HAUS5: variants seen among roughly 807,000 people sequenced by gnomAD.
HAUS5 encodes the protein HAUS augmin like complex subunit 5, also known as HAUS augmin-like complex subunit 5.
HAUS5 carries 67 observed loss-of-function variants against 94.1 expected under a neutral mutation model. That is an observed-to-expected ratio of 0.71 (90% CI 0.58 to 0.87). The LOEUF is 0.87. Ranked by LOEUF, HAUS5 falls within the 40% of genes least tolerant of loss-of-function variation. The pLI is 0.00. For missense variants in HAUS5, 739 were observed against 825.6 expected (o/e 0.90, Z 1.29); for synonymous variants, 339 against 355.4 (o/e 0.95, Z 0.52).
intron 14 of HAUS5, 29 bp from the exon 15 acceptor site, chr19:35,619,584 G>GGCCCC: frequency 5.2e-6 from 8 of 1,533,848 alleles, no homozygotes; most frequent in Non-Finnish European, 6.2e-6. Context: ...ATGTTGTGAT[G>GGCCCC]CCCCACCCAC....
intron 3 of HAUS5, 42 bp downstream of exon 3, chr19:35,613,942 C>T: frequency 6.2e-7 from 1 of 1,609,908 alleles, no homozygotes; most frequent in Non-Finnish European, 8.5e-7. Context: ...CTTCCCCACT[C>T]CCATTTAGCC....
chr19:35,613,534 A>G (rs1413169330), intron 1 of HAUS5, 196 bp from the exon 2 acceptor site: 15 of 587,038 alleles, frequency 2.6e-5, no homozygotes, highest in Non-Finnish European at 9.0e-6. Flanking sequence ...GCAAGGAGCT[A>G]TGATCGTACC....
rs1280466938 is a variant in HAUS5 at position 35,619,761 on chromosome 19, G to A, written c.1406+3G>A. Reference sequence around the variant, plus strand: ...CTGCTGCGGCACAGGCCGGGAGAGTGAGACTGGGGCTGCCCCACCCCTGCC... The same window carrying A: ...CTGCTGCGGCACAGGCCGGGAGAGTAAGACTGGGGCTGCCCCACCCCTGCC... On this transcript the variant is annotated splice_donor_region_variant and intron_variant, in intron 15 of 18. Coordinates refer to ENST00000203166, the MANE Select transcript of HAUS5 (RefSeq NM_015302.2). 1.1e-5 allele frequency: 17 copies of A among 1,544,084 alleles called. No individual in the cohort carries two copies. The Admixed American group carries it at 3.0e-4, about 27-fold the overall frequency.
rs1967271081 is a variant in HAUS5, at chr19:35,624,285, A to C, written c.*1292A>C. The C allele has an allele frequency of 6.6e-6, 1 of 150,938 alleles. No homozygotes were observed. The highest frequency in any genetic ancestry group is 1.5e-5 in the Non-Finnish European group (1 of 67,782). The allele number at this position is 150,938 out of a possible 1,614,324, so 9.3% of individuals were successfully genotyped here. On this transcript the variant is annotated 3_prime_UTR_variant, in exon 19 of 19. Coordinates refer to ENST00000203166, the MANE Select transcript of HAUS5 (RefSeq NM_015302.2). Reference sequence around the variant, plus strand: ...ACGCCCAGCTCATTTTTGTACTTTTAGTAGGGACGGGGTTTCATCATGTTG... The same window carrying C: ...ACGCCCAGCTCATTTTTGTACTTTTCGTAGGGACGGGGTTTCATCATGTTG...
chr19:35,615,939 C>A (rs564286580), intron 6 of HAUS5, among the ~76,000 whole-genome samples: 1 of 152,046 alleles, frequency 6.6e-6, no homozygotes, highest in Non-Finnish European at 1.5e-5. Flanking sequence ...GAGGTGAGGT[C>A]GAAGGAGTGG....
At position 35,624,458 on chromosome 19, in the gene HAUS5, C is replaced by CTTTT. The variant is rs1967274509; in HGVS notation, c.*1468_*1469insTTTT. On this transcript the variant is annotated 3_prime_UTR_variant, in exon 19 of 19. Transcript: ENST00000203166. ...CTCTTAGGTGCTTTTCTTTTTCTTT[C>CTTTT]TTTCTTTCTTTTTTTGAGACAGAAT... 1.1e-5 allele frequency: 1 copy of CTTTT among 93,840 alleles called. No homozygotes were observed. Among genetic ancestry groups the CTTTT allele is most frequent in the African/African-American group, 4.7e-5 (1 of 21,380 alleles). 5.8% of individuals were successfully genotyped at this position (93,840 alleles called of 1,614,324 possible).
chr19:35,618,037 G>T, intron 9 of HAUS5, 34 bp from the exon 10 acceptor site: 1 of 1,583,824 alleles, frequency 6.3e-7, no homozygotes, highest in Non-Finnish European at 8.6e-7. Flanking sequence ...GCCCTGCCCC[G>T]ATCCTGCCCT....
intron 17 of HAUS5, among the ~76,000 whole-genome samples, chr19:35,621,123 A>G (rs979752088): frequency 2.0e-5 from 3 of 152,182 alleles, no homozygotes; most frequent in Admixed American, 2.0e-4. Context: ...GGATAAATAC[A>G]TGGAAGAGGA....
chr19:35,625,031 C>T lies in HAUS5; in HGVS notation c.*2038C>T, dbSNP rs1294766154. 6.6e-6 allele frequency: 1 copy of T among 152,170 alleles called. No individual in the cohort carries two copies. Among genetic ancestry groups the T allele is most frequent in the Non-Finnish European group, 1.5e-5 (1 of 68,026 alleles). The allele number at this position is 152,170 out of a possible 1,614,324, so 9.4% of individuals were successfully genotyped here. A position where few individuals can be genotyped will look rare whatever the true frequency, so the allele number is the denominator to read the frequency against. On this transcript the variant is annotated 3_prime_UTR_variant, in exon 19 of 19. Transcript: ENST00000203166. ...TGTAGTCCTTAGTGTGTCTGCTCCT[C>T]CTCTCTCTCCTCATCACAGTTCCCA...
At position 35,622,999 on chromosome 19, in the gene HAUS5, G is replaced by C; in HGVS notation, c.*6G>C. 6.4e-7 allele frequency: 1 copy of C among 1,574,800 alleles called. No homozygotes were observed. Reference sequence around the variant, plus strand: ...TGCAGAAGCTGTGCAGCTGAAGAGAGGGTTCAAACGGAAGCCGAGAACTTG... The same window carrying C: ...TGCAGAAGCTGTGCAGCTGAAGAGACGGTTCAAACGGAAGCCGAGAACTTG... On this transcript the variant is annotated 3_prime_UTR_variant, in exon 19 of 19. Transcript: ENST00000203166.
In HAUS5 at chr19:35,619,598, T is replaced by TCC; in HGVS notation, c.1261-12_1261-11dup. On this transcript the variant is annotated splice_polypyrimidine_tract_variant and intron_variant, in intron 14 of 18. Transcript: ENST00000203166. ...GATGTTGTGATGCCCCACCCACCCCTCCCCTTCCCCACAGGTGCTAGCTCT... is the reference window on the plus strand; with the variant it reads ...GATGTTGTGATGCCCCACCCACCCCTCCCCCCTTCCCCACAGGTGCTAGCTCT... 5 of 583,378 alleles carry TCC rather than the reference T, an allele frequency of 8.6e-6. No individual in the cohort carries two copies. The highest frequency in any genetic ancestry group is 8.2e-5 in the South Asian group (4 of 48,746). 36.1% of individuals were successfully genotyped at this position (583,378 alleles called of 1,614,324 possible). A position where few individuals can be genotyped will look rare whatever the true frequency, so the allele number is the denominator to read the frequency against.
In HAUS5 at chr19:35,612,896, A is replaced by C. The variant is rs762295036; in HGVS notation, c.98+4A>C. On this transcript the variant is annotated splice_donor_region_variant and intron_variant, in intron 1 of 18. Coordinates refer to ENST00000203166, the MANE Select transcript of HAUS5 (RefSeq NM_015302.2). The stretch of plus-strand genomic sequence containing the variant: ...CCCCGGAATCGACGCTGCGCAGGTG[A>C]GGACCGCTCCTGGAGTGAGGACACC... 6.5e-7 allele frequency: 1 copy of C among 1,536,002 alleles called. No individual in the cohort carries two copies. The highest frequency in any genetic ancestry group is 1.2e-5 in the South Asian group (1 of 82,898).
At position 35,623,431 on chromosome 19, in the gene HAUS5, C is replaced by T. The variant is rs903281602; in HGVS notation, c.*438C>T. On this transcript the variant is annotated 3_prime_UTR_variant, in exon 19 of 19. Coordinates refer to ENST00000203166, the MANE Select transcript of HAUS5 (RefSeq NM_015302.2). ...TGATTTGAATTGAGGGCCACACTGCCCAGGTCGTGCTCCGTCAAGGGGTGA... is the reference window on the plus strand; with the variant it reads ...TGATTTGAATTGAGGGCCACACTGCTCAGGTCGTGCTCCGTCAAGGGGTGA... The T allele has an allele frequency of 1.2e-5, 2 of 172,236 alleles. No homozygotes were observed. The highest frequency in any genetic ancestry group is 4.8e-5 in the African/African-American group (2 of 41,544). 10.7% of individuals were successfully genotyped at this position (172,236 alleles called of 1,614,324 possible).
At chr19:35,615,867 A>C (rs924688898) in intron 6 of HAUS5, among the ~76,000 whole-genome samples, 3 of 152,246 alleles carry the variant, frequency 2.0e-5, no homozygotes, top group Admixed American at 6.5e-5. Flanking sequence ...CTCAGCATGC[A>C]GGAAGAGCAG....
In HAUS5 at chr19:35,624,564, A is replaced by G. The variant is rs913662066; in HGVS notation, c.*1571A>G. ...TGCCTCCTGGATTCAAACAATTCTC[A>G]TGTCTCAGCCTCCTGAATAGCTGGG... On this transcript the variant is annotated 3_prime_UTR_variant, in exon 19 of 19. Coordinates refer to ENST00000203166, the MANE Select transcript of HAUS5 (RefSeq NM_015302.2). 5.9e-5 allele frequency: 9 copies of G among 151,926 alleles called. No homozygotes were observed. The East Asian group carries it at 9.6e-4, about 16-fold the overall frequency. The allele number at this position is 151,926 out of a possible 1,614,324, so 9.4% of individuals were successfully genotyped here.
intron 10 of HAUS5, 42 bp downstream of exon 10, chr19:35,618,237 A>T: frequency 6.3e-7 from 1 of 1,596,706 alleles, no homozygotes; most frequent in Admixed American, 1.7e-5. Context: ...AGGCCATGTG[A>T]GTGGGTGAGC....
intron 1 of HAUS5, 97 bp from the exon 2 acceptor site, chr19:35,613,633 C>T (rs1027121460): frequency 2.2e-6 from 2 of 911,942 alleles, no homozygotes; most frequent in Admixed American, 2.5e-5. Context: ...GAAGTGAGAA[C>T]TCCCTAGTAA....
chr19:35,612,776 T>C lies in HAUS5; in HGVS notation c.-19T>C, dbSNP rs866567145. On this transcript the variant is annotated 5_prime_UTR_variant, in exon 1 of 19. Coordinates refer to ENST00000203166, the MANE Select transcript of HAUS5 (RefSeq NM_015302.2). The stretch of plus-strand genomic sequence containing the variant: ...CTTGAAGAGGCTGAGGGAGGCGGTG[T>C]CGCCGCCGCGGCGCTGTCATGGAGC... 2.6e-6 allele frequency: 4 copies of C among 1,535,554 alleles called. No individual in the cohort carries two copies. Among genetic ancestry groups the C allele is most frequent in the Non-Finnish European group, 2.6e-6 (3 of 1,140,698 alleles).
In HAUS5 at chr19:35,617,843, C is replaced by G; in HGVS notation, c.639-12C>G. 2 of 1,613,230 alleles carry G rather than the reference C, an allele frequency of 1.2e-6. No homozygotes were observed. Among genetic ancestry groups the G allele is most frequent in the Non-Finnish European group, 1.7e-6 (2 of 1,179,264 alleles). On this transcript the variant is annotated splice_polypyrimidine_tract_variant and intron_variant, in intron 8 of 18. Transcript: ENST00000203166. ...CTTGTAACGTTCTCTGTCCGCTTAC[C>G]CAACCCCACAGAACCCCTCATGATG...
Sources: allele counts gnomAD v4.1 joint callset (sites outside exome capture counted in the v4.1 genomes callset), GRCh38; gene constraint gnomAD v4.1.1; transcripts MANE v1.5; gene names NCBI Gene and HGNC (gene_info 2026-07-23, HGNC 2026-07-21).